The following ZGLP1 variants were observed in gnomAD, a reference collection of about 807,000 sequenced individuals.
ZGLP1 encodes zinc finger GATA like protein 1.
ZGLP1 carries 11 observed loss-of-function variants against 21.4 expected under a neutral mutation model. The observed-to-expected ratio is 0.51, with a 90% CI of 0.32 to 0.85. The LOEUF (loss-of-function observed/expected upper bound fraction) is 0.85, where lower values mean the gene tolerates loss of function less well. Among genes scored for constraint, ZGLP1 ranks in the 40% least tolerant of loss-of-function variants. The pLI, the probability that ZGLP1 is intolerant of heterozygous loss-of-function variation, is 0.03. For missense variants in ZGLP1, 295 were observed against 355.6 expected (o/e 0.83, Z 1.37); for synonymous variants, 148 against 145.0 (o/e 1.02, Z -0.15).
At chr19:10,308,015 G>A (rs1313019459) in intron 1 of ZGLP1, among the ~76,000 whole-genome samples, 170 bp downstream of exon 2, 1 of 152,220 alleles carries the variant, frequency 6.6e-6, no homozygotes, top group African/African-American at 2.4e-5. Context: ...AGTCAGGAGC[G>A]GCAGGACTGT....
Position 10,305,431 on chromosome 19 carries a change from G to A in ZGLP1, c.657C>T (p.Asp219=), listed in dbSNP as rs753294303. 20 of 1,601,188 alleles carry A rather than the reference G, an allele frequency of 1.2e-5. No individual in the cohort carries two copies. The highest frequency in any genetic ancestry group is 1.0e-4 in the Admixed American group (6 of 57,686). Residue 219 remains aspartate, a synonymous_variant, in exon 3 of 4, where the codon GAC becomes GAT. Transcript: ENST00000403903. The surrounding 1 kb of genome is among the most constrained non-coding windows in gnomAD (Gnocchi z 4.7). ...TGCAGAGAGGGGTCCCATCTTCAGC[G>A]TCTCTCCAGAGCGGGGTCCTCTGGG... is the stretch of plus-strand genomic sequence containing the variant.
exon 1 of ZGLP1, chr19:10,309,134 T>C (rs1337061688): frequency 1.3e-5 from 2 of 152,832 alleles, no homozygotes; most frequent in African/African-American, 4.8e-5. Context: ...GGGGAGTGCC[T>C]ACATCAGCCC....
Position 10,305,077 on chromosome 19 carries a change from G to C in ZGLP1, c.*14C>G. ...CGGAGGCAGAAGCAGCAGCTCAGCA[G>C]GGTGAAGCTGGGTTTAACCTTCCTG... is the stretch of plus-strand genomic sequence containing the variant. On this transcript the variant is annotated 3_prime_UTR_variant, in exon 4 of 4. Coordinates refer to ENST00000403903, the Ensembl canonical transcript of ZGLP1. This position sits in a 1 kb window ranked among gnomAD's most constrained non-coding sequence, Gnocchi z 4.7. 3 of 1,588,242 alleles carry C rather than the reference G, an allele frequency of 1.9e-6. No individual in the cohort carries two copies. The highest frequency in any genetic ancestry group is 1.7e-6 in the Non-Finnish European group (2 of 1,156,582).
exon 1 of ZGLP1, chr19:10,308,819 C>A: frequency 1.4e-6 from 1 of 695,122 alleles, no homozygotes. Flanking sequence ...CAGGGACCGC[C>A]CTAGGTGACC....
Position 10,308,384 on chromosome 19 carries a change from T to C in ZGLP1, c.298A>G (p.Lys100Glu), listed in dbSNP as rs528773852. Residue 100 changes from lysine (K) to glutamate (E), a missense_variant, in exon 1 of 4, where the codon AAG (lysine) becomes GAG (glutamate). Around this residue, in one of 2 missense-constraint regions of ZGLP1, gnomAD observed 252 missense variants for 264.0 expected, o/e 0.95. Transcript: ENST00000403903. ...TGGCTGATCCTGGTCTGTGTGTCCT[T>C]GGAATCCCTGTCCAGCAGCAGGCGG... 2.1e-5 allele frequency: 34 copies of C among 1,608,464 alleles called. No individual in the cohort carries two copies. In the East Asian group the frequency reaches 7.4e-4, roughly 35 times the overall value.
chr19:10,308,548 G>C, exon 1 of ZGLP1: 2 of 1,603,774 alleles, frequency 1.2e-6, no homozygotes, highest in Non-Finnish European at 1.7e-6. Context: ...AGGCCAGAGG[G>C]ACCTGGGGAG....
chr19:10,305,979 TG>T lies in ZGLP1; in HGVS notation c.498-28del, dbSNP rs746839487. On this transcript the variant is annotated intron_variant, in intron 1 of 3. Transcript: ENST00000403903. This position sits in a 1 kb window ranked among gnomAD's most constrained non-coding sequence, Gnocchi z 4.7. The stretch of plus-strand genomic sequence containing the variant: ...TGTGGGGCAGACAAGGTATTAGCAC[TG>T]GGGGGGATCTGTAGCTTGTCCCCAA... 27 of 1,491,242 alleles carry T rather than the reference TG, an allele frequency of 1.8e-5. No homozygotes were observed. Among genetic ancestry groups the T allele is most frequent in the East Asian group, 4.9e-5 (2 of 40,570 alleles). 92.4% of individuals were successfully genotyped at this position (1,491,242 alleles called of 1,614,324 possible).
chr19:10,308,058 C>CT, intron 1 of ZGLP1, 127 bp downstream of exon 2: 3 of 1,337,050 alleles, frequency 2.2e-6, no homozygotes, highest in Non-Finnish European at 3.0e-6. Context: ...CAACCAGAGA[C>CT]TGGGCCACGT....
chr19:10,309,589 C>T (rs1305521405), exon 1 of ZGLP1: 1 of 152,624 alleles, frequency 6.6e-6, no homozygotes, highest in Non-Finnish European at 1.5e-5. Flanking sequence ...GGTGGGAGCG[C>T]TCTTGGTAGA....
At position 10,305,338 on chromosome 19, in the gene ZGLP1, C is replaced by T. The variant is rs753265258; in HGVS notation, c.698+52G>A. The T allele has an allele frequency of 2.8e-5, 43 of 1,547,466 alleles. No homozygotes were observed. Among genetic ancestry groups the T allele is most frequent in the Admixed American group, 5.7e-5 (3 of 52,228 alleles). The stretch of plus-strand genomic sequence containing the variant: ...TTCCCCACAGGCCATCCTGGTTACA[C>T]GTGGACTGATTTGGGGACCCCCGCC... On this transcript the variant is annotated intron_variant, in intron 3 of 3. Coordinates refer to ENST00000403903, the Ensembl canonical transcript of ZGLP1. This position sits in a 1 kb window ranked among gnomAD's most constrained non-coding sequence, Gnocchi z 4.7.
chr19:10,305,585 C>T lies in ZGLP1; in HGVS notation c.605-102G>A. 1 of 1,020,446 alleles carries T rather than the reference C, an allele frequency of 9.8e-7. No individual in the cohort carries two copies. The highest frequency in any genetic ancestry group is 2.6e-5 in the East Asian group (1 of 38,432). The allele number at this position is 1,020,446 out of a possible 1,614,324, so 63.2% of individuals were successfully genotyped here. The stretch of plus-strand genomic sequence containing the variant: ...TTTTGTGGGGGTCTCAGTAAAGGCC[C>T]CACCTAGCTCTGGATCAGCCCTGGG... On this transcript the variant is annotated intron_variant, in intron 2 of 3. Coordinates refer to ENST00000403903, the Ensembl canonical transcript of ZGLP1. This position sits in a 1 kb window ranked among gnomAD's most constrained non-coding sequence, Gnocchi z 4.7.
chr19:10,306,082 G>C, intron 1 of ZGLP1, 130 bp from the exon 3 acceptor site: 1 of 510,664 alleles, frequency 2.0e-6, no homozygotes, highest in Non-Finnish European at 3.5e-6. Flanking sequence ...GAATGGCCTG[G>C]CTTTGCCTCT....
At chr19:10,306,197 C>G (rs2040278612) in intron 1 of ZGLP1, among the ~76,000 whole-genome samples, 1 of 151,864 alleles carries the variant, frequency 6.6e-6, no homozygotes, top group Admixed American at 6.6e-5. Flanking sequence ...ACTACAACCT[C>G]CACCTCCCGG....
At position 10,305,369 on chromosome 19, in the gene ZGLP1, T is replaced by G; in HGVS notation, c.698+21A>C. The G allele has an allele frequency of 6.3e-7, 1 of 1,575,780 alleles. No individual in the cohort carries two copies. Among genetic ancestry groups the G allele is most frequent in the Non-Finnish European group, 8.6e-7 (1 of 1,159,936 alleles). ...CTGATTTGGGGACCCCCGCCCCAAC[T>G]CCCTCCTCCATTCTAAGGACCTGAT... is the stretch of plus-strand genomic sequence containing the variant. On this transcript the variant is annotated intron_variant, in intron 3 of 3. Transcript: ENST00000403903. This position sits in a 1 kb window ranked among gnomAD's most constrained non-coding sequence, Gnocchi z 4.7.
At chr19:10,306,049 C>A in intron 1 of ZGLP1, 97 bp from the exon 3 acceptor site, 2 of 802,064 alleles carry the variant, frequency 2.5e-6, no homozygotes, top group Middle Eastern at 2.8e-4. Context: ...ATCAGCCATC[C>A]CCCGAGGAGG....
Position 10,305,942 on chromosome 19 carries a change from T to G in ZGLP1, c.508A>C (p.Ser170Arg). Residue 170 changes from serine to arginine, a missense_variant, in exon 2 of 4, where the codon AGT becomes CGT. Coordinates refer to ENST00000403903, the Ensembl canonical transcript of ZGLP1. This position sits in a 1 kb window ranked among gnomAD's most constrained non-coding sequence, Gnocchi z 4.7. ...GCAGGGGATTCCTGAGAACGGCTAC[T>G]GCAGGGCAGGCTGTGGGGCAGACAA... The G allele has an allele frequency of 6.4e-7, 1 of 1,559,478 alleles. No individual in the cohort carries two copies. Among genetic ancestry groups the G allele is most frequent in the Non-Finnish European group, 8.7e-7 (1 of 1,150,508 alleles).
At chr19:10,309,702 C>T (rs1214529273) in exon 1 of ZGLP1, 4 of 152,290 alleles carry the variant, frequency 2.6e-5, no homozygotes. Flanking sequence ...CAAGGGCGGC[C>T]TGGACCCCAC....
chr19:10,308,451 G>A, exon 1 of ZGLP1: 1 of 1,610,770 alleles, frequency 6.2e-7, no homozygotes, highest in South Asian at 1.1e-5. Flanking sequence ...AAGGCCCCAG[G>A]ACCGGGGTGT....
At chr19:10,307,157 T>C (rs2040284034) in intron 1 of ZGLP1, among the ~76,000 whole-genome samples, 1 of 151,806 alleles carries the variant, frequency 6.6e-6, no homozygotes, top group Admixed American at 6.6e-5. Context: ...AATATTGTTT[T>C]GGCGGCATGA....
Sources: allele counts gnomAD v4.1 joint callset (sites outside exome capture counted in the v4.1 genomes callset), GRCh38; gene constraint gnomAD v4.1.1; regional missense constraint gnomAD v4.1.1; non-coding constraint Gnocchi (gnomAD v3.1); transcripts MANE v1.5; gene names NCBI Gene and HGNC (gene_info 2026-07-23, HGNC 2026-07-21).